The following CISD2 variants were observed in gnomAD, a reference collection of about 807,000 sequenced individuals.
The protein encoded by CISD2 is CDGSH iron-sulfur domain-containing protein 2.
Under a neutral mutation model 12.9 loss-of-function variants are expected in CISD2, and 1 was observed. The observed-to-expected ratio is 0.08, with a 90% CI of 0.03 to 0.37. CISD2 has a LOEUF of 0.37. Ranked by LOEUF, CISD2 falls within the 10% of genes least tolerant of loss-of-function variation. CISD2 has a pLI of 0.99. For missense variants in CISD2, 97 were observed against 163.1 expected (o/e 0.59, Z 2.21); for synonymous variants, 50 against 60.6 (o/e 0.83, Z 0.81).
chr4:102,878,145 G>A (rs1423232663), intron 1 of CISD2, among the ~76,000 whole-genome samples: 1 of 151,442 alleles, frequency 6.6e-6, no homozygotes, highest in Non-Finnish European at 1.5e-5. Flanking sequence ...GGGGGCGGGG[G>A]GAAGGAGGGG....
At chr4:102,878,677 C>T (rs1578311797) in intron 1 of CISD2, among the ~76,000 whole-genome samples, 1 of 152,212 alleles carries the variant, frequency 6.6e-6, no homozygotes, top group South Asian at 2.1e-4. Flanking sequence ...GTCCATATCA[C>T]TGTCAGCATT....
intron 1 of CISD2, among the ~76,000 whole-genome samples, chr4:102,873,562 A>C (rs113662655): frequency 0.026 from 3,994 of 152,132 alleles, 82 homozygotes; most frequent in Non-Finnish European, 0.035. Context: ...GGTGTGAGGC[A>C]CTGTGAGTGG....
chr4:102,871,813 G>A (rs1733457850), intron 1 of CISD2, among the ~76,000 whole-genome samples: 1 of 152,046 alleles, frequency 6.6e-6, no homozygotes, highest in Non-Finnish European at 1.5e-5. Context: ...GAAAATTAGA[G>A]CAAAAAACAA....
In CISD2 at chr4:102,888,790, A is replaced by C. The variant is rs2110406112; in HGVS notation, c.*1360A>C. The C allele has an allele frequency of 6.6e-6, 1 of 152,292 alleles. No homozygotes were observed. The highest frequency in any genetic ancestry group is 3.4e-3 in the Middle Eastern group (1 of 294). 9.4% of individuals were successfully genotyped at this position (152,292 alleles called of 1,614,324 possible). The stretch of plus-strand genomic sequence containing the variant: ...CCGCCTCTGCTGGGCTCTGTAGGGA[A>C]TCCTTTCTGTTGTAAAAGAGTTACC... On this transcript the variant is annotated 3_prime_UTR_variant, in exon 3 of 3. Coordinates refer to ENST00000273986, the MANE Select transcript of CISD2 (RefSeq NM_001008388.5).
At chr4:102,875,334 T>G (rs7668564) in intron 1 of CISD2, among the ~76,000 whole-genome samples, 2,793 of 152,324 alleles carry the variant, frequency 0.018, 81 homozygotes, top group African/African-American at 0.061. Flanking sequence ...GCTTCTGTAT[T>G]ATTGCTGATA....
chr4:102,892,145 G>A lies in CISD2; in HGVS notation c.*4715G>A, dbSNP rs988520806. On this transcript the variant is annotated 3_prime_UTR_variant, in exon 3 of 3. Transcript: ENST00000273986. Reference sequence around the variant, plus strand: ...ATGATCGTAGCTCACTGCAGCCTCAGCCTCTTGTGCTCAAGCGATCCTCCC... The same window carrying A: ...ATGATCGTAGCTCACTGCAGCCTCAACCTCTTGTGCTCAAGCGATCCTCCC... 1.3e-5 allele frequency: 2 copies of A among 152,218 alleles called. No homozygotes were observed. Among genetic ancestry groups the A allele is most frequent in the African/African-American group, 4.8e-5 (2 of 41,450 alleles). 9.4% of individuals were successfully genotyped at this position (152,218 alleles called of 1,614,324 possible).
chr4:102,878,202 C>T (rs1360564559), intron 1 of CISD2, among the ~76,000 whole-genome samples: 1 of 152,112 alleles, frequency 6.6e-6, no homozygotes, highest in Non-Finnish European at 1.5e-5. Context: ...GTGACACAAT[C>T]TCAGCTTGCT....
rs1734200070 is a variant in CISD2, at chr4:102,890,726, G to T, written c.*3296G>T. 1 of 151,534 alleles carries T rather than the reference G, an allele frequency of 6.6e-6. No homozygotes were observed. The highest frequency in any genetic ancestry group is 1.5e-5 in the Non-Finnish European group (1 of 67,992). The allele number at this position is 151,534 out of a possible 1,614,324, so 9.4% of individuals were successfully genotyped here. On this transcript the variant is annotated 3_prime_UTR_variant, in exon 3 of 3. Transcript: ENST00000273986. ...GCACAGTGGCGCACCAGTAGTCCCA[G>T]TTACTCGGGAGGCTGAGGCACAAGA...
rs905836999 is a variant in CISD2 at position 102,885,376 on chromosome 4, T to A, written c.264T>A (p.Ile88=). 6.2e-6 allele frequency: 10 copies of A among 1,613,986 alleles called. No individual in the cohort carries two copies. The highest frequency in any genetic ancestry group is 5.3e-5 in the African/African-American group (4 of 74,922). Residue 88 remains isoleucine (I), a synonymous_variant, in exon 2 of 3, where the codon ATT becomes ATA. Transcript: ENST00000273986. ...ENPKVVNEIN[I]EDLCLTKAAY... The stretch of plus-strand genomic sequence containing the variant: ...CGAAAGTAGTGAATGAAATAAACAT[T>A]GAAGATTTGTGTCTTACTAAAGCAG...
chr4:102,885,572 G>A (rs996681887), intron 2 of CISD2, 142 bp downstream of exon 2: 35 of 702,520 alleles, frequency 5.0e-5, no homozygotes, highest in Non-Finnish European at 7.6e-5. Flanking sequence ...CTAAATTGAA[G>A]TTTTCATGTC....
At chr4:102,880,902 C>T (rs1015703171) in intron 1 of CISD2, among the ~76,000 whole-genome samples, 2 of 149,992 alleles carry the variant, frequency 1.3e-5, no homozygotes, top group African/African-American at 2.5e-5. Context: ...CACTGAGGCA[C>T]GAGAATCGCT....
chr4:102,879,724 A>G (rs1406979068), intron 1 of CISD2, among the ~76,000 whole-genome samples: 1 of 152,114 alleles, frequency 6.6e-6, no homozygotes, highest in East Asian at 1.9e-4. Flanking sequence ...GTGAGCCAAG[A>G]TCATGCCACT....
chr4:102,876,642 C>T (rs893985348), intron 1 of CISD2, among the ~76,000 whole-genome samples: 1 of 152,038 alleles, frequency 6.6e-6, no homozygotes, highest in African/African-American at 2.4e-5. Flanking sequence ...CCCAGCTACT[C>T]AGGAGGCTGA....
chr4:102,879,345 G>A lies in CISD2; in HGVS notation c.104-5871G>A, dbSNP rs1391376998. Among the ~76,000 whole-genome samples, 9 of 152,126 alleles carry A rather than the reference G, an allele frequency of 5.9e-5. No homozygotes were observed. The South Asian group carries it at 1.7e-3, about 28-fold the overall frequency. Reference sequence around the variant, plus strand: ...TATTCTTTCAGAAAATGTTTAGTAAGCACTTAATAAAAATCAGAAGGGGGG... The same window carrying A: ...TATTCTTTCAGAAAATGTTTAGTAAACACTTAATAAAAATCAGAAGGGGGG... On this transcript the variant is annotated intron_variant, in intron 1 of 2. Coordinates refer to ENST00000273986, the MANE Select transcript of CISD2 (RefSeq NM_001008388.5).
At chr4:102,886,211 A>G (rs1251478649) in intron 2 of CISD2, among the ~76,000 whole-genome samples, 2 of 152,176 alleles carry the variant, frequency 1.3e-5, no homozygotes, top group Non-Finnish European at 2.9e-5. Flanking sequence ...CACGCAGGCC[A>G]GGCGCGGTGG....
Position 102,871,827 on chromosome 4 carries a change from A to G in CISD2, c.103+2640A>G, listed in dbSNP as rs374321694. ...TGAAAATTAGAGCAAAAAACAATACAGTTCACATTATTATTGCCTACATTT... is the reference window on the plus strand; with the variant it reads ...TGAAAATTAGAGCAAAAAACAATACGGTTCACATTATTATTGCCTACATTT... On this transcript the variant is annotated intron_variant, in intron 1 of 2. Coordinates refer to ENST00000273986, the MANE Select transcript of CISD2 (RefSeq NM_001008388.5). 3.9e-5 allele frequency among the ~76,000 whole-genome samples: 6 copies of G among 152,312 alleles called. No homozygotes were observed. In the East Asian group the frequency reaches 1.2e-3, roughly 29 times the overall value.
rs1394433745 is a variant in CISD2, at chr4:102,871,125, G to GT, written c.103+1944dup. ...GGAAAATGTCCAATGAATTACCTAT[G>GT]TTTTTTCCAGATGGTGGCTGCATTT... On this transcript the variant is annotated intron_variant, in intron 1 of 2. Coordinates refer to ENST00000273986, the MANE Select transcript of CISD2 (RefSeq NM_001008388.5). 8.5e-5 allele frequency among the ~76,000 whole-genome samples: 13 copies of GT among 152,244 alleles called. No homozygotes were observed. The East Asian group carries it at 2.3e-3, about 27-fold the overall frequency.
rs1734219193 is a variant in CISD2 at position 102,890,938 on chromosome 4, AT to A, written c.*3509del. The A allele has an allele frequency of 6.7e-6, 1 of 150,350 alleles. No homozygotes were observed. Among genetic ancestry groups the A allele is most frequent in the Admixed American group, 6.6e-5 (1 of 15,146 alleles). 9.3% of individuals were successfully genotyped at this position (150,350 alleles called of 1,614,324 possible). A position where few individuals can be genotyped will look rare whatever the true frequency, so the allele number is the denominator to read the frequency against. On this transcript the variant is annotated 3_prime_UTR_variant, in exon 3 of 3. Coordinates refer to ENST00000273986, the MANE Select transcript of CISD2 (RefSeq NM_001008388.5). The stretch of plus-strand genomic sequence containing the variant: ...AGGACAGGAGGAAACCAATATAAAT[AT>A]CTCAGCATTGTAGGAAATTTAACCC...
chr4:102,872,354 G>A (rs1258704713), intron 1 of CISD2, among the ~76,000 whole-genome samples: 1 of 152,194 alleles, frequency 6.6e-6, no homozygotes, highest in African/African-American at 2.4e-5. Context: ...ACAGGTGTGA[G>A]CCACTGCGCC....
Sources: gnomAD v4.1 joint callset for allele counts (sites outside exome capture counted in the v4.1 genomes callset) on GRCh38, gnomAD v4.1.1 for gene constraint, MANE v1.5 for transcripts, NCBI Gene and HGNC (gene_info 2026-07-23, HGNC 2026-07-21) for gene names.